The following ITPR1 variants were observed in gnomAD, a reference collection of about 807,000 sequenced individuals.
The protein encoded by ITPR1 is inositol 1,4,5-trisphosphate-gated calcium channel ITPR1.
In ITPR1, 96 loss-of-function variants were observed where a neutral mutation model predicts 318.4. The ratio of observed to expected loss-of-function variants is 0.30; its 90% CI spans 0.26 to 0.36. ITPR1 has a LOEUF of 0.36. ITPR1 is among the 10% of genes least tolerant of loss of function. ITPR1 has a pLI of 1.00. For missense variants in ITPR1, 2,440 were observed against 3,460.2 expected, an observed-to-expected ratio of 0.71 and a Z score of 7.40; for synonymous variants, 1,312 against 1,289.9, an observed-to-expected ratio of 1.02 and a Z score of -0.37.
At chr3:4,543,528 AATG>A (rs1227838217) in intron 4 of ITPR1, among the ~76,000 whole-genome samples, 2 of 152,216 alleles carry the variant, frequency 1.3e-5, no homozygotes, top group African/African-American at 2.4e-5. Flanking sequence ...AGGGATAAAG[AATG>A]ATATTTGTTC....
chr3:4,610,856 G>GTTCCCT (rs113211334), intron 4 of ITPR1, among the ~76,000 whole-genome samples: 1 of 145,062 alleles, frequency 6.9e-6, no homozygotes, highest in Non-Finnish European at 1.5e-5. Context: ...TCCCTTTCCT[G>GTTCCCT]TTCCCTTTCC....
At chr3:4,558,015 T>C (rs2086303572) in intron 4 of ITPR1, among the ~76,000 whole-genome samples, 1 of 152,192 alleles carries the variant, frequency 6.6e-6, no homozygotes, top group Non-Finnish European at 1.5e-5. Context: ...AGAACATCAT[T>C]TGTCCCCTCA....
At chr3:4,845,615 A>G (rs990317720) in intron 61 of ITPR1, among the ~76,000 whole-genome samples, 1 of 151,902 alleles carries the variant, frequency 6.6e-6, no homozygotes, top group African/African-American at 2.4e-5. Context: ...CCTCAAAGAG[A>G]TTTGAGAACA....
chr3:4,628,889 C>G (rs1220301600), intron 5 of ITPR1, among the ~76,000 whole-genome samples: 1 of 152,268 alleles, frequency 6.6e-6, no homozygotes, highest in African/African-American at 2.4e-5. Context: ...GAGGTCCTGC[C>G]TCTCACCTTG....
intron 44 of ITPR1, among the ~76,000 whole-genome samples, chr3:4,757,920 C>A (rs1559843418): frequency 1.3e-5 from 2 of 152,122 alleles, no homozygotes; most frequent in Non-Finnish European, 2.9e-5. Flanking sequence ...AGTATCTGTT[C>A]AAGCTGGGCA....
chr3:4,685,261 T>C (rs1163508405), intron 30 of ITPR1, 55 bp downstream of exon 30: 15 of 1,516,178 alleles, frequency 9.9e-6, no homozygotes, highest in Admixed American at 2.0e-5. Context: ...GATCCCTGGG[T>C]TTCCCCAAAC....
At chr3:4,565,321 GCCCTAGCCACTAATAGCACCTCCA>G (rs2087117768) in intron 4 of ITPR1, among the ~76,000 whole-genome samples, 1 of 152,270 alleles carries the variant, frequency 6.6e-6, no homozygotes, top group African/African-American at 2.4e-5. Flanking sequence ...ACTGGAGCCT[GCCCTAGCCACTAATAGCACCTCCA>G]CGTAAAAGGT....
intron 4 of ITPR1, among the ~76,000 whole-genome samples, chr3:4,605,203 C>A (rs562274622): frequency 6.6e-6 from 1 of 152,148 alleles, no homozygotes. Context: ...AACTCCACCT[C>A]GGCCTCCCAA....
At chr3:4,841,994 C>G (rs2051379977) in intron 61 of ITPR1, among the ~76,000 whole-genome samples, 1 of 152,148 alleles carries the variant, frequency 6.6e-6, no homozygotes, top group Non-Finnish European at 1.5e-5. Context: ...TCTGAGTAAC[C>G]AAGACCTTCC....
intron 4 of ITPR1, among the ~76,000 whole-genome samples, chr3:4,521,908 G>A (rs2082600487): frequency 2.0e-5 from 3 of 152,142 alleles, no homozygotes; most frequent in Admixed American, 1.3e-4. Context: ...ACAAGACATA[G>A]GCAGGGCAGC....
intron 37 of ITPR1, 26 bp downstream of exon 37, chr3:4,706,377 A>T (rs772745175): frequency 6.3e-7 from 1 of 1,579,168 alleles, no homozygotes; most frequent in Non-Finnish European, 8.6e-7. Context: ...GAGAGAAGTG[A>T]TGCTTAGCCT....
At chr3:4,681,307 C>T in intron 25 of ITPR1, 57 bp from the exon 26 acceptor site, 3 of 1,219,460 alleles carry the variant, frequency 2.5e-6, no homozygotes, top group Non-Finnish European at 3.7e-6. Flanking sequence ...GATGAGTTCA[C>T]CAGCAGCATG....
At position 4,811,333 on chromosome 3, in the gene ITPR1, G is replaced by T; in HGVS notation, c.7341G>T (p.Arg2447=). The T allele has an allele frequency of 6.2e-7, 1 of 1,613,716 alleles. No homozygotes were observed. Among genetic ancestry groups the T allele is most frequent in the Non-Finnish European group, 8.5e-7 (1 of 1,179,724 alleles). Residue 2447 remains arginine, a synonymous_variant, in exon 56 of 62, where the codon CGG becomes CGT. Coordinates refer to ENST00000649015, the MANE Select transcript of ITPR1 (RefSeq NM_001378452.1). ...NVIKSVTRNG[R]SIILTAVLAL... is the part of the protein sequence containing the mutation. ...TTAAAAGTGTCACTCGCAATGGACG[G>T]TCCATCATCCTGACAGCAGTTCTGG... is the stretch of plus-strand genomic sequence containing the variant.
At chr3:4,570,039 T>C (rs2087815813) in intron 4 of ITPR1, among the ~76,000 whole-genome samples, 1 of 152,188 alleles carries the variant, frequency 6.6e-6, no homozygotes, top group Admixed American at 6.5e-5. Context: ...GTGCTGCCCT[T>C]CACTTTGGAG....
chr3:4,555,029 ATG>A (rs2085987475), intron 4 of ITPR1, among the ~76,000 whole-genome samples: 1 of 152,122 alleles, frequency 6.6e-6, no homozygotes, highest in Admixed American at 6.5e-5. Flanking sequence ...TACCCGCGGA[ATG>A]TGTTTCCATC....
At chr3:4,662,359 T>G in intron 15 of ITPR1, 117 bp downstream of exon 15, 1 of 831,074 alleles carries the variant, frequency 1.2e-6, no homozygotes, top group Non-Finnish European at 1.7e-6. Context: ...TAGCAGGCCT[T>G]AGCATTTATG....
At chr3:4,671,748 T>C (rs1442914213) in intron 20 of ITPR1, 1 of 152,240 alleles carries the variant, frequency 6.6e-6, no homozygotes, top group East Asian at 1.9e-4. Context: ...GCTTTTATTA[T>C]TTTTTAATAA....
intron 44 of ITPR1, among the ~76,000 whole-genome samples, chr3:4,742,117 C>T (rs1575088599): frequency 6.6e-6 from 1 of 151,990 alleles, no homozygotes; most frequent in African/African-American, 2.4e-5. Flanking sequence ...GAAATGGTGG[C>T]GTAAAGGTTA....
At chr3:4,782,381 G>T in intron 49 of ITPR1, 1 of 343,820 alleles carries the variant, frequency 2.9e-6, no homozygotes, top group Non-Finnish European at 5.2e-6. Context: ...GCCACAGCAT[G>T]TCTCTTGGTC....
Sources: gnomAD v4.1 joint callset for allele counts (sites outside exome capture counted in the v4.1 genomes callset) on GRCh38, gnomAD v4.1.1 for gene constraint, MANE v1.5 for transcripts, NCBI Gene and HGNC (gene_info 2026-07-23, HGNC 2026-07-21) for gene names.